CPS1: variants seen among roughly 807,000 people sequenced by gnomAD.
CPS1 encodes carbamoyl-phosphate synthase [ammonia], mitochondrial.
A neutral mutation model predicts 174.6 loss-of-function variants in CPS1; 109 were observed. The observed-to-expected ratio is 0.62, with a 90% CI of 0.53 to 0.73. The LOEUF is 0.73. Ranked by LOEUF, CPS1 falls within the 30% of genes least tolerant of loss-of-function variation. The probability of loss-of-function intolerance (pLI) is 0.00; values close to 1 mark genes in which losing one functional copy is unlikely to be tolerated. For missense variants in CPS1, 1,689 were observed against 1,821.9 expected (o/e 0.93, Z 1.33); for synonymous variants, 637 against 632.0 (o/e 1.01, Z -0.12).
At chr2:210,491,307 GTTTTTTTTT>G (rs66825517) in intron 1 of CPS1, among the ~76,000 whole-genome samples, 38 of 50,348 alleles carry the variant, frequency 7.5e-4, no homozygotes, top group African/African-American at 3.8e-3. Flanking sequence ...TGGTATCTGT[GTTTTTTTTT>G]TTTTTTTTTT....
intron 1 of CPS1, among the ~76,000 whole-genome samples, chr2:210,538,199 T>C (rs1161256233): frequency 6.6e-6 from 1 of 152,152 alleles, no homozygotes; most frequent in Non-Finnish European, 1.5e-5. Flanking sequence ...TTTTTTATGT[T>C]GTTCTAATAT....
chr2:210,582,577 G>C, intron 5 of CPS1, 40 bp from the exon 6 acceptor site: 2 of 1,479,282 alleles, frequency 1.4e-6, no homozygotes, highest in African/African-American at 2.8e-5. Flanking sequence ...CACCTTTATC[G>C]TTGCTTCCTT....
intron 1 of CPS1, among the ~76,000 whole-genome samples, chr2:210,531,457 A>G (rs1574496458): frequency 6.6e-6 from 1 of 152,140 alleles, no homozygotes; most frequent in Non-Finnish European, 1.5e-5. Flanking sequence ...AAAGTAATCA[A>G]TTGGGAACAT....
chr2:210,506,071 A>C (rs548713743), intron 1 of CPS1, among the ~76,000 whole-genome samples: 2 of 152,282 alleles, frequency 1.3e-5, no homozygotes, highest in Admixed American at 6.5e-5. Context: ...GAGATCTGGA[A>C]TGGACAGACT....
At chr2:210,530,213 A>C (rs527748052) in intron 1 of CPS1, among the ~76,000 whole-genome samples, 1 of 152,174 alleles carries the variant, frequency 6.6e-6, no homozygotes, top group South Asian at 2.1e-4. Context: ...TCTATTGTTA[A>C]GTAATACAGT....
intron 1 of CPS1, among the ~76,000 whole-genome samples, chr2:210,563,230 C>G (rs1268019534): frequency 6.6e-6 from 1 of 152,088 alleles, no homozygotes; most frequent in Non-Finnish European, 1.5e-5. Flanking sequence ...ATTGCTTACT[C>G]AAGGGCTCAT....
chr2:210,658,685 C>T lies in CPS1; in HGVS notation c.3753C>T (p.Val1251=), dbSNP rs758123016. ...NVQFLVKGND[V]LVIECNLRAS... ...AATTTCTTGTCAAAGGAAATGATGT[C>T]TTGGTAAGAAATGCCAAGGTGCCTG... Residue 1251 remains valine, a synonymous_variant, in exon 31 of 38, where the codon GTC becomes GTT. Coordinates refer to ENST00000233072, the MANE Select transcript of CPS1 (RefSeq NM_001875.5). 1.9e-6 allele frequency: 3 copies of T among 1,612,384 alleles called. No individual in the cohort carries two copies. Among genetic ancestry groups the T allele is most frequent in the Non-Finnish European group, 1.7e-6 (2 of 1,178,456 alleles).
intron 21 of CPS1, among the ~76,000 whole-genome samples, chr2:210,623,499 T>A (rs1699602652): frequency 6.6e-6 from 1 of 152,022 alleles, no homozygotes; most frequent in Non-Finnish European, 1.5e-5. Context: ...TCAATATAGT[T>A]TTAAAAAAAA....
chr2:210,507,895 A>G (rs1433932535), intron 1 of CPS1, among the ~76,000 whole-genome samples: 1 of 150,730 alleles, frequency 6.6e-6, no homozygotes. Context: ...TTAGAGACCT[A>G]CAAAGAGACT....
chr2:210,559,595 GT>G (rs1377957107), intron 1 of CPS1, among the ~76,000 whole-genome samples: 2 of 152,030 alleles, frequency 1.3e-5, no homozygotes, highest in African/African-American at 2.4e-5. Flanking sequence ...ATACTAAAAA[GT>G]TTTAGATACC....
At chr2:210,546,048 T>C (rs1696556635) in intron 1 of CPS1, among the ~76,000 whole-genome samples, 1 of 152,190 alleles carries the variant, frequency 6.6e-6, no homozygotes, top group South Asian at 2.1e-4. Context: ...TTCTTTATTG[T>C]TCAATCTTGA....
intron 24 of CPS1, among the ~76,000 whole-genome samples, chr2:210,640,303 A>T (rs1223428644): frequency 1.3e-5 from 2 of 152,072 alleles, no homozygotes; most frequent in Non-Finnish European, 2.9e-5. Flanking sequence ...GTGTAACTTA[A>T]TTTTCATCCT....
chr2:210,546,982 T>C (rs1696580483), intron 1 of CPS1, among the ~76,000 whole-genome samples: 1 of 152,098 alleles, frequency 6.6e-6, no homozygotes, highest in South Asian at 2.1e-4. Flanking sequence ...CTGCCATCAC[T>C]GAGGTGGTGA....
At chr2:210,556,163 A>G (rs1696906657), upstream of CPS1, among the ~76,000 whole-genome samples, 1 of 152,008 alleles carries the variant, frequency 6.6e-6, no homozygotes, top group African/African-American at 2.4e-5. Flanking sequence ...TCTTTTTACA[A>G]ATAGTAAAAA....
At chr2:210,541,357 C>T (rs1031547221) in intron 1 of CPS1, among the ~76,000 whole-genome samples, 4 of 152,088 alleles carry the variant, frequency 2.6e-5, no homozygotes, top group African/African-American at 7.2e-5. Flanking sequence ...AGCTTGAGAG[C>T]GCTGTCCCAT....
At chr2:210,604,810 G>T (rs1178005466) in intron 16 of CPS1, among the ~76,000 whole-genome samples, 1 of 151,868 alleles carries the variant, frequency 6.6e-6, no homozygotes, top group African/African-American at 2.4e-5. Flanking sequence ...ATTTCCCTCT[G>T]CCTGATTGCT....
chr2:210,580,177 A>G (rs1697872063), intron 5 of CPS1, among the ~76,000 whole-genome samples: 1 of 152,174 alleles, frequency 6.6e-6, no homozygotes, highest in African/African-American at 2.4e-5. Context: ...GGAAGTGTAC[A>G]GCATTGTTAC....
chr2:210,670,187 A>C (rs1701252893), intron 34 of CPS1, among the ~76,000 whole-genome samples: 1 of 152,136 alleles, frequency 6.6e-6, no homozygotes, highest in African/African-American at 2.4e-5. Context: ...TCTGCACATG[A>C]GAGCATACGG....
At chr2:210,482,308 T>C (rs1010407550) in intron 1 of CPS1, among the ~76,000 whole-genome samples, 2 of 141,958 alleles carry the variant, frequency 1.4e-5, no homozygotes, top group South Asian at 2.1e-4. Flanking sequence ...TTGAATCCCT[T>C]TTTTTTTTTT....
Sources: gnomAD v4.1 joint callset for allele counts (sites outside exome capture counted in the v4.1 genomes callset) on GRCh38, gnomAD v4.1.1 for gene constraint, MANE v1.5 for transcripts, NCBI Gene and HGNC (gene_info 2026-07-23, HGNC 2026-07-21) for gene names.